Variants in CEP112 observed in about 807,000 individuals in gnomAD.
The protein encoded by CEP112 is centrosomal protein of 112 kDa.
A neutral mutation model predicts 153.0 loss-of-function variants in CEP112; 127 were observed. The observed-to-expected ratio is 0.83, with a 90% CI of 0.72 to 0.96. CEP112 has a LOEUF of 0.96. Ranked by LOEUF, CEP112 falls within the 40% of genes least tolerant of loss-of-function variation. The pLI is 0.00. For missense variants in CEP112, 1,089 were observed against 1,101.2 expected, an observed-to-expected ratio of 0.99 and a Z score of 0.16; for synonymous variants, 358 against 374.4, an observed-to-expected ratio of 0.96 and a Z score of 0.51.
intron 24 of CEP112, among the ~76,000 whole-genome samples, chr17:65,677,446 A>G (rs1027004998): frequency 2.0e-5 from 3 of 152,154 alleles, no homozygotes; most frequent in Admixed American, 2.0e-4. Context: ...CTAACTATAT[A>G]TTTTTTCTAC....
chr17:65,678,410 C>A (rs1046469202), intron 24 of CEP112, among the ~76,000 whole-genome samples: 11 of 152,098 alleles, frequency 7.2e-5, no homozygotes, highest in African/African-American at 2.4e-4. Flanking sequence ...CTATTTTATT[C>A]TTTAAGAGCC....
Position 66,020,719 on chromosome 17 carries a change from C to T in CEP112, c.1656+6782G>A, listed in dbSNP as rs181447705. On this transcript the variant is annotated intron_variant, in intron 16 of 26. Transcript: ENST00000535342. ...TTAAAACAGCAGATAGTGACAAAAG[C>T]AGCAACAAACATTTGCCATTTAACT... Among the ~76,000 whole-genome samples the T allele has an allele frequency of 2.1e-3, 322 of 152,246 alleles. 1 individual carries two copies. The highest frequency in any genetic ancestry group is 7.4e-3 in the African/African-American group (306 of 41,534).
intron 1 of CEP112, among the ~76,000 whole-genome samples, chr17:66,188,286 A>AACACACACACACACAC (rs59802008): frequency 9.1e-6 from 1 of 109,438 alleles, no homozygotes; most frequent in Non-Finnish European, 2.1e-5. Context: ...CACACACACA[A>AACACACACACACACAC]ACACACACAC....
At chr17:65,690,117 A>T (rs1308986782) in intron 23 of CEP112, among the ~76,000 whole-genome samples, 5 of 49,016 alleles carry the variant, frequency 1.0e-4, no homozygotes, top group Non-Finnish European at 1.7e-4. Flanking sequence ...ACAGACCAAA[A>T]AAAAAAAAAA....
chr17:65,642,381 T>G (rs960411622), intron 24 of CEP112, among the ~76,000 whole-genome samples: 3 of 152,186 alleles, frequency 2.0e-5, no homozygotes, highest in African/African-American at 7.2e-5. Context: ...CAATTTAAAA[T>G]TAACAGTCTT....
At chr17:65,654,340 C>T (rs1204618540) in intron 24 of CEP112, among the ~76,000 whole-genome samples, 3 of 152,130 alleles carry the variant, frequency 2.0e-5, no homozygotes, top group African/African-American at 4.8e-5. Flanking sequence ...ATTCATTTCC[C>T]GCCTTTCTTC....
chr17:65,951,235 A>G (rs903842298), intron 18 of CEP112, among the ~76,000 whole-genome samples: 3 of 152,218 alleles, frequency 2.0e-5, no homozygotes, highest in Non-Finnish European at 4.4e-5. Flanking sequence ...TCAGAGTAAT[A>G]CTGGCCTCAC....
chr17:65,808,810 G>T (rs1348628951), intron 21 of CEP112, among the ~76,000 whole-genome samples: 1 of 152,174 alleles, frequency 6.6e-6, no homozygotes, highest in Non-Finnish European at 1.5e-5. Context: ...CTGCAGAACT[G>T]TGAGTCAATT....
chr17:65,727,640 A>G (rs2050252869), intron 23 of CEP112, among the ~76,000 whole-genome samples: 3 of 152,232 alleles, frequency 2.0e-5, no homozygotes. Flanking sequence ...GACTGGAGGT[A>G]ACCCTGATAG....
intron 24 of CEP112, among the ~76,000 whole-genome samples, chr17:65,656,765 G>T (rs1488255268): frequency 1.3e-5 from 2 of 152,162 alleles, no homozygotes; most frequent in Non-Finnish European, 2.9e-5. Flanking sequence ...GACTGCTATG[G>T]CCTCAGCATT....
intron 8 of CEP112, among the ~76,000 whole-genome samples, chr17:66,088,919 C>CTGGT (rs76739267): frequency 0.099 from 15,126 of 152,126 alleles, 750 homozygotes; most frequent in Non-Finnish European, 0.11. Context: ...AGGCTTAAAC[C>CTGGT]CACCCTAGAA....
chr17:66,060,795 A>G (rs910183854), intron 11 of CEP112, among the ~76,000 whole-genome samples: 6 of 152,076 alleles, frequency 3.9e-5, no homozygotes, highest in African/African-American at 7.2e-5. Flanking sequence ...AACCAAAACT[A>G]TGGAACTACT....
intron 21 of CEP112, among the ~76,000 whole-genome samples, chr17:65,768,258 A>G (rs962940832): frequency 2.0e-5 from 3 of 152,150 alleles, no homozygotes; most frequent in Admixed American, 1.3e-4. Flanking sequence ...AAGAGAAAAT[A>G]TATTTAATAT....
chr17:65,992,562 T>C (rs1195577618), intron 17 of CEP112, among the ~76,000 whole-genome samples: 1 of 152,182 alleles, frequency 6.6e-6, no homozygotes. Context: ...TGCCAATGAA[T>C]AGTCTAAAAT....
At chr17:65,815,114 A>C (rs1029675504) in intron 21 of CEP112, among the ~76,000 whole-genome samples, 1 of 151,706 alleles carries the variant, frequency 6.6e-6, no homozygotes, top group African/African-American at 2.4e-5. Context: ...AATCAACATC[A>C]CTAAGGTGCC....
At chr17:66,169,661 C>G (rs557238258) in intron 4 of CEP112, among the ~76,000 whole-genome samples, 2 of 152,082 alleles carry the variant, frequency 1.3e-5, no homozygotes, top group East Asian at 3.9e-4. Flanking sequence ...GATTACCACT[C>G]CAAAGTGGGA....
At chr17:66,022,032 G>A (rs1186828384) in intron 16 of CEP112, among the ~76,000 whole-genome samples, 3 of 152,084 alleles carry the variant, frequency 2.0e-5, no homozygotes, top group Admixed American at 6.5e-5. Context: ...AGATTCCCAC[G>A]CCCCTTGCTA....
chr17:66,111,097 C>T (rs970336822), intron 6 of CEP112, among the ~76,000 whole-genome samples: 4 of 151,670 alleles, frequency 2.6e-5, no homozygotes, highest in African/African-American at 9.7e-5. Flanking sequence ...AACAAGCATA[C>T]GGAAAAAAAA....
chr17:65,856,104 A>G (rs2058111935), intron 20 of CEP112, among the ~76,000 whole-genome samples: 1 of 152,164 alleles, frequency 6.6e-6, no homozygotes, highest in Non-Finnish European at 1.5e-5. Context: ...ATATATACTT[A>G]ATATACTGAA....
Sources: allele counts gnomAD v4.1 joint callset (sites outside exome capture counted in the v4.1 genomes callset), GRCh38; gene constraint gnomAD v4.1.1; transcripts MANE v1.5; gene names NCBI Gene and HGNC (gene_info 2026-07-23, HGNC 2026-07-21).